ZFP64: variants seen among roughly 807,000 people sequenced by gnomAD.
ZFP64 encodes ZFP64 zinc finger protein.
In ZFP64, 14 loss-of-function variants were observed where a neutral mutation model predicts 51.6. The observed-to-expected ratio is 0.27, with a 90% confidence interval of 0.18 to 0.42. The LOEUF is 0.42. Among genes scored for constraint, ZFP64 ranks in the 10% least tolerant of loss-of-function variants. ZFP64 has a pLI of 1.00. For synonymous variants in ZFP64, 375 were observed against 361.4 expected, an observed-to-expected ratio of 1.04 and a Z score of -0.43; for missense variants, 754 against 906.8, an observed-to-expected ratio of 0.83 and a Z score of 2.16.
At position 52,153,000 on chromosome 20, in the gene ZFP64, C is replaced by T; in HGVS notation, c.1192G>A (p.Val398Ile). The change falls in exon 6 of 6, where the codon GTT becomes ATT. Residue 398 changes from valine (V) to isoleucine (I), a missense_variant. This residue lies in a region of ZFP64 where 428 missense variants were observed against 472.4 expected (regional missense o/e 0.91). Coordinates refer to ENST00000216923, the MANE Select transcript of ZFP64 (RefSeq NM_018197.3). ...KHMKKFHGDM[V>I]KTEALERKDT... ...TTCCTCTCTAGAGCCTCAGTCTTAA[C>T]CATGTCCCCATGGAACTTCTTCATG... is the stretch of plus-strand genomic sequence containing the variant. The T allele has an allele frequency of 2.5e-6, 4 of 1,613,964 alleles. No individual in the cohort carries two copies. The highest frequency in any genetic ancestry group is 1.1e-5 in the South Asian group (1 of 91,084).
chr20:52,113,360 G>T (rs1328883442), intron 5 of ZFP64, among the ~76,000 whole-genome samples: 1 of 113,626 alleles, frequency 8.8e-6, no homozygotes, highest in African/African-American at 3.1e-5. Flanking sequence ...AAGAAAGAAA[G>T]AAAACTAGAC....
intron 5 of ZFP64, among the ~76,000 whole-genome samples, chr20:52,102,728 A>G (rs2079066422): frequency 6.6e-6 from 1 of 152,212 alleles, no homozygotes; most frequent in Non-Finnish European, 1.5e-5. Context: ...TTTTACCATT[A>G]GCTGTGTCCC....
intron 5 of ZFP64, among the ~76,000 whole-genome samples, chr20:52,138,432 G>A (rs1980088115): frequency 6.6e-6 from 1 of 151,522 alleles, no homozygotes; most frequent in Non-Finnish European, 1.5e-5. Flanking sequence ...GGCTGATAAA[G>A]AAAGATACTG....
chr20:52,144,578 C>CAAAAAAAAAAA lies in ZFP64; in HGVS notation c.763+15534_763+15544dup, dbSNP rs1156545584. 5.1e-4 allele frequency among the ~76,000 whole-genome samples: 12 copies of CAAAAAAAAAAA among 23,324 alleles called. 1 individual carries two copies. The highest frequency in any genetic ancestry group is 2.0e-3 in the African/African-American group (11 of 5,540). 15.3% of individuals were successfully genotyped at this position (23,324 alleles called of 152,430 possible). A position where few individuals can be genotyped will look rare whatever the true frequency, so the allele number is the denominator to read the frequency against. ...CTGGTGACAGAGCGAGACTCCGTCTCAAAAAAAAAAAAAAAAAAAAAAAAT... is the reference window on the plus strand; with the variant it reads ...CTGGTGACAGAGCGAGACTCCGTCTCAAAAAAAAAAAAAAAAAAAAAAAAAAAAAAAAAAAT... On this transcript the variant is annotated intron_variant, in intron 5 of 8. Coordinates refer to the ZFP64 transcript ENST00000361387.
At chr20:52,149,338 C>T (rs1006431872), downstream of ZFP64, among the ~76,000 whole-genome samples, 1 of 149,720 alleles carries the variant, frequency 6.7e-6, no homozygotes, top group Admixed American at 6.6e-5. Context: ...CAAAAATATT[C>T]CCCAAACAAC....
Position 52,143,156 on chromosome 20 carries a change from G to A in ZFP64, c.763+16967C>T, listed in dbSNP as rs1340707062. Among the ~76,000 whole-genome samples the A allele has an allele frequency of 3.5e-5, 5 of 143,266 alleles. 1 individual carries two copies. Among genetic ancestry groups the A allele is most frequent in the Admixed American group, 1.4e-4 (2 of 13,856 alleles). 94.0% of individuals were successfully genotyped at this position (143,266 alleles called of 152,430 possible). On this transcript the variant is annotated intron_variant, in intron 5 of 8. Transcript: ENST00000361387. ...ATAAACATAACTTTTATATGCACTG[G>A]GAAATTTAAAAATACGTGTGACTCA...
chr20:52,120,913 G>A (rs1190171564), intron 5 of ZFP64, among the ~76,000 whole-genome samples: 2 of 152,046 alleles, frequency 1.3e-5, no homozygotes, highest in Non-Finnish European at 2.9e-5. Flanking sequence ...CTGACGTCAG[G>A]TGATCTGCCC....
intron 3 of ZFP64, chr20:52,165,612 C>A: frequency 1.5e-6 from 1 of 661,120 alleles, no homozygotes; most frequent in Non-Finnish European, 2.8e-6. Context: ...AAATTTATAG[C>A]AACCTGAAAT....
At chr20:52,139,671 CAAAAT>C (rs1207193125) in intron 5 of ZFP64, among the ~76,000 whole-genome samples, 3 of 151,826 alleles carry the variant, frequency 2.0e-5, no homozygotes, top group African/African-American at 7.3e-5. Context: ...AAAAACAAAA[CAAAAT>C]AAAGAAAATG....
chr20:52,144,406 C>T (rs190539138), intron 5 of ZFP64, among the ~76,000 whole-genome samples: 2 of 147,134 alleles, frequency 1.4e-5, no homozygotes, highest in East Asian at 2.1e-4. Context: ...GGTGAAACCC[C>T]GTCTCTACAA....
At chr20:52,104,792 C>T (rs753077765) in intron 5 of ZFP64, 2 of 586,062 alleles carry the variant, frequency 3.4e-6, no homozygotes, top group Non-Finnish European at 6.7e-6. Flanking sequence ...AAGCCCAGTG[C>T]CAAGGAGGCC....
chr20:52,191,734 C>G lies in ZFP64; in HGVS notation c.-98G>C. 1 of 1,378,012 alleles carries G rather than the reference C, an allele frequency of 7.3e-7. No homozygotes were observed. The highest frequency in any genetic ancestry group is 3.0e-5 in the East Asian group (1 of 32,994). The allele number at this position is 1,378,012 out of a possible 1,614,324, so 85.4% of individuals were successfully genotyped here. A position where few individuals can be genotyped will look rare whatever the true frequency, so the allele number is the denominator to read the frequency against. ...CTTTTCCTTTTATTTTTCCACACCC[C>G]CCACCCTGCCTTCTCCCAACTCTGC... On this transcript the variant is annotated 5_prime_UTR_variant, in exon 1 of 6. Transcript: ENST00000216923. The surrounding 1 kb of genome is among the most constrained non-coding windows in gnomAD (Gnocchi z 4.3).
rs1240224304 is a variant in ZFP64 at position 52,151,644 on chromosome 20, C to T, written c.*502G>A. On this transcript the variant is annotated 3_prime_UTR_variant, in exon 6 of 6. Transcript: ENST00000216923. ...AGATTCTACAACAGTTATAATGCGA[C>T]GATTCAGAGGTGGTCTCAAAGTTGT... 128 of 988,742 alleles carry T rather than the reference C, an allele frequency of 1.3e-4. 1 individual carries two copies. Among genetic ancestry groups the T allele is most frequent in the Non-Finnish European group, 1.5e-4 (124 of 831,990 alleles). The allele number at this position is 988,742 out of a possible 1,614,324, so 61.2% of individuals were successfully genotyped here. A position where few individuals can be genotyped will look rare whatever the true frequency, so the allele number is the denominator to read the frequency against.
At chr20:52,174,950 C>T (rs533695837) in intron 2 of ZFP64, among the ~76,000 whole-genome samples, 6 of 152,144 alleles carry the variant, frequency 3.9e-5, no homozygotes, top group Non-Finnish European at 8.8e-5. Flanking sequence ...ACTTGCATTT[C>T]CTTTACATGT....
At chr20:52,111,093 C>A in intron 5 of ZFP64, 1 of 984,284 alleles carries the variant, frequency 1.0e-6, no homozygotes, top group Admixed American at 1.9e-5. Flanking sequence ...GGGGAAGCGG[C>A]AGGGAGAGAG....
intron 5 of ZFP64, among the ~76,000 whole-genome samples, chr20:52,108,729 C>T (rs555838830): frequency 1.4e-4 from 21 of 151,924 alleles, no homozygotes; most frequent in South Asian, 2.1e-4. Flanking sequence ...AGGCTGGTCT[C>T]GAACCCTGGC....
chr20:52,187,635 A>T (rs901020404), intron 1 of ZFP64, among the ~76,000 whole-genome samples: 17 of 149,898 alleles, frequency 1.1e-4, no homozygotes, highest in Admixed American at 1.1e-3. Flanking sequence ...AAAAAAAATA[A>T]TTTTTTTTTT....
intron 5 of ZFP64, among the ~76,000 whole-genome samples, chr20:52,131,521 G>A (rs868817464): frequency 1.4e-4 from 22 of 152,156 alleles, no homozygotes; most frequent in African/African-American, 5.3e-4. Flanking sequence ...ATAAAGGGAT[G>A]AAAAAGATAT....
intron 5 of ZFP64, among the ~76,000 whole-genome samples, chr20:52,112,018 G>T (rs575100412): frequency 6.8e-6 from 1 of 146,034 alleles, no homozygotes; most frequent in Non-Finnish European, 1.5e-5. Flanking sequence ...GGAGGCAGAG[G>T]TTTCAGTGAG....
Sources: allele counts gnomAD v4.1 joint callset (sites outside exome capture counted in the v4.1 genomes callset), GRCh38; gene constraint gnomAD v4.1.1; regional missense constraint gnomAD v4.1.1; non-coding constraint Gnocchi (gnomAD v3.1); transcripts MANE v1.5; gene names NCBI Gene and HGNC (gene_info 2026-07-23, HGNC 2026-07-21).